Variants in TAPBPL observed in about 807,000 individuals in gnomAD.
The protein encoded by TAPBPL is TAP binding protein like, also known as tapasin-related protein.
A neutral mutation model predicts 44.8 loss-of-function variants in TAPBPL; 32 were observed. The observed-to-expected ratio is 0.71, with a 90% CI of 0.54 to 0.96. The LOEUF (loss-of-function observed/expected upper bound fraction) is 0.96, where lower values mean the gene tolerates loss of function less well. TAPBPL is among the 40% of genes least tolerant of loss of function. The pLI is 0.00. For missense variants in TAPBPL, 520 were observed against 586.6 expected (o/e 0.89, Z 1.17); for synonymous variants, 230 against 240.7 (o/e 0.96, Z 0.41).
downstream of TAPBPL, chr12:6,465,401 A>AATGTATATATATGTATATATATATAC (rs1949989244): frequency 1.8e-4 from 12 of 67,578 alleles, no homozygotes; most frequent in African/African-American, 5.0e-4. Flanking sequence ...TATATATATA[A>AATGTATATATATGTATATATATATAC]ATGTATATAT....
At position 6,453,538 on chromosome 12, in the gene TAPBPL, C is replaced by G. The variant is rs775843009; in HGVS notation, c.387C>G (p.Leu129=). 6.2e-7 allele frequency: 1 copy of G among 1,614,182 alleles called. No individual in the cohort carries two copies. Among genetic ancestry groups the G allele is most frequent in the Non-Finnish European group, 8.5e-7 (1 of 1,180,036 alleles). The part of the protein sequence containing the change: ...EVTCEISRYF[L]QMTETTVKTA... Reference sequence around the variant, plus strand: ...CCTGTGAGATCTCCCGCTACTTTCTCCAGATGACAGAGACCACTGTTAAGA... The same window carrying G: ...CCTGTGAGATCTCCCGCTACTTTCTGCAGATGACAGAGACCACTGTTAAGA... The change falls in exon 3 of 7, where the codon CTC becomes CTG. Residue 129 remains leucine, a synonymous_variant. Coordinates refer to ENST00000266556, the MANE Select transcript of TAPBPL (RefSeq NM_018009.5). The surrounding 1 kb of genome is among the most constrained non-coding windows in gnomAD (Gnocchi z 4.8).
chr12:6,457,425 A>G lies in TAPBPL; in HGVS notation c.585A>G (p.Thr195=), dbSNP rs1324149880. Residue 195 remains threonine (T), a synonymous_variant, in exon 4 of 7, where the codon ACA becomes ACG. Coordinates refer to ENST00000266556, the MANE Select transcript of TAPBPL (RefSeq NM_018009.5). ...TCACAGTGGAGTTCCAGGTGATGACACAGACCCAATCCCTGAGCTTCCTGC... is the reference window on the plus strand; with the variant it reads ...TCACAGTGGAGTTCCAGGTGATGACGCAGACCCAATCCCTGAGCTTCCTGC... ...VRTAVEFQVM[T]QTQSLSFLLG... The G allele has an allele frequency of 3.1e-6, 5 of 1,613,986 alleles. No individual in the cohort carries two copies. Among genetic ancestry groups the G allele is most frequent in the Non-Finnish European group, 4.2e-6 (5 of 1,179,984 alleles).
downstream of TAPBPL, chr12:6,463,998 G>A (rs1408139272): frequency 9.3e-6 from 12 of 1,291,768 alleles, no homozygotes; most frequent in Non-Finnish European, 1.1e-5. This position sits in a 1 kb window ranked among gnomAD's most constrained non-coding sequence, Gnocchi z 4.0. Context: ...GGTCCAGGAA[G>A]GAAAGCTCCA....
downstream of TAPBPL, chr12:6,463,316 C>CAG: frequency 8.4e-7 from 1 of 1,195,470 alleles, no homozygotes. This position sits in a 1 kb window ranked among gnomAD's most constrained non-coding sequence, Gnocchi z 4.0. Context: ...CAGGCTGGCA[C>CAG]GCCTCCCCCC....
In TAPBPL at chr12:6,458,653, A is replaced by G. The variant is rs761880008; in HGVS notation, c.913A>G (p.Lys305Glu). The G allele has an allele frequency of 3.1e-6, 5 of 1,612,936 alleles. No individual in the cohort carries two copies. The highest frequency in any genetic ancestry group is 4.5e-5 in the East Asian group (2 of 44,838). ...CCTCATTCTTTCTCCAGCTTCCCCT[A>G]AAGTACGACTGAGCTTGGCAAACGA... ...IIQLNIQASPKVRLSLANEAL... is the reference protein window; with the variant it reads ...IIQLNIQASPEVRLSLANEAL... The change falls in exon 5 of 7, where the codon AAA becomes GAA. Residue 305 changes from lysine (K) to glutamate (E), a missense_variant. Coordinates refer to ENST00000266556, the MANE Select transcript of TAPBPL (RefSeq NM_018009.5).
intron 3 of TAPBPL, among the ~76,000 whole-genome samples, chr12:6,455,519 T>C (rs1949681089): frequency 6.6e-6 from 1 of 152,136 alleles, no homozygotes; most frequent in African/African-American, 2.4e-5. Context: ...CTGAATATTA[T>C]CAGTGATAAA....
downstream of TAPBPL, chr12:6,463,997 A>G (rs1003004574): frequency 3.1e-6 from 4 of 1,291,594 alleles, no homozygotes; most frequent in African/African-American, 4.5e-5. This position sits in a 1 kb window ranked among gnomAD's most constrained non-coding sequence, Gnocchi z 4.0. Context: ...TGGTCCAGGA[A>G]GGAAAGCTCC....
rs775771044 is a variant in TAPBPL, at chr12:6,453,134, C to T, written c.132C>T (p.Asp44=). The change falls in exon 2 of 7, where the codon GAC becomes GAT. Residue 44 remains aspartate (D), a synonymous_variant. Coordinates refer to ENST00000266556, the MANE Select transcript of TAPBPL (RefSeq NM_018009.5). This position sits in a 1 kb window ranked among gnomAD's most constrained non-coding sequence, Gnocchi z 4.8. The stretch of plus-strand genomic sequence containing the variant: ...TCCTAGACTGCTTCCTGGCGAAGGA[C>T]GGTGCGCACCGTGGAGCTCTCGCCA... ...DVVLDCFLAK[D]GAHRGALASS... 1.6e-5 allele frequency: 25 copies of T among 1,593,716 alleles called. No individual in the cohort carries two copies. In the Admixed American group the frequency reaches 2.5e-4, roughly 16 times the overall value.
downstream of TAPBPL, chr12:6,470,657 C>T (rs148584261): frequency 1.6e-6 from 2 of 1,279,900 alleles, no homozygotes; most frequent in Non-Finnish European, 2.2e-6. Context: ...ACCCCGCGGT[C>T]TAGCTGCGCT....
At chr12:6,454,904 A>G (rs1053694165) in intron 3 of TAPBPL, among the ~76,000 whole-genome samples, 22 of 152,214 alleles carry the variant, frequency 1.4e-4, no homozygotes, top group Non-Finnish European at 3.2e-4. Flanking sequence ...AGCCAAGTCC[A>G]GAGAAAATTA....
Position 6,462,019 on chromosome 12 carries a change from A to C in TAPBPL, c.1292-15A>C, listed in dbSNP as rs1288912643. On this transcript the variant is annotated splice_polypyrimidine_tract_variant and intron_variant, in intron 6 of 6. Coordinates refer to ENST00000266556, the MANE Select transcript of TAPBPL (RefSeq NM_018009.5). ...GATGCCCACGCAACTTCCTGTCTTC[A>C]CTTCCTCTTACCAGCACCTACAGGA... 6.2e-7 allele frequency: 1 copy of C among 1,604,834 alleles called. No individual in the cohort carries two copies. The highest frequency in any genetic ancestry group is 8.5e-7 in the Non-Finnish European group (1 of 1,173,576).
chr12:6,458,499 C>A, intron 4 of TAPBPL, 146 bp from the exon 5 acceptor site: 1 of 964,180 alleles, frequency 1.0e-6, no homozygotes, highest in Non-Finnish European at 1.5e-6. Flanking sequence ...AGGTGGGCCC[C>A]TCACACACCC....
chr12:6,464,902 C>T, downstream of TAPBPL: 1 of 1,614,060 alleles, frequency 6.2e-7, no homozygotes, highest in Non-Finnish European at 8.5e-7. Flanking sequence ...ACAATAACTA[C>T]CACGATGATG....
Position 6,457,622 on chromosome 12 carries a change from G to T in TAPBPL, c.782G>T (p.Gly261Val), listed in dbSNP as rs374333373. 7.4e-6 allele frequency: 12 copies of T among 1,614,082 alleles called. No individual in the cohort carries two copies. The highest frequency in any genetic ancestry group is 1.0e-5 in the Non-Finnish European group (12 of 1,180,034). The part of the protein sequence containing the change: ...KGATLEPAQL[G>V]MARDASLTLP... ...GCTACCCTGGAGCCTGCACAACTGG[G>T]CATGGCCAGGGATGCCTCCCTCACC... Residue 261 changes from glycine (G) to valine (V), a missense_variant, in exon 4 of 7, where the codon GGC becomes GTC. Coordinates refer to ENST00000266556, the MANE Select transcript of TAPBPL (RefSeq NM_018009.5).
At chr12:6,465,470 T>TATATA (rs1950000165), downstream of TAPBPL, 2 of 107,898 alleles carry the variant, frequency 1.9e-5, no homozygotes, top group African/African-American at 1.1e-4. Flanking sequence ...ATATATAGTG[T>TATATA]GTGTGTGTGT....
At chr12:6,459,003 G>T (rs1949775631) in intron 5 of TAPBPL, 56 bp downstream of exon 5, 1 of 1,565,612 alleles carries the variant, frequency 6.4e-7, no homozygotes, top group African/African-American at 1.4e-5. Flanking sequence ...TGGCTCTCCT[G>T]CCCCAGCTCA....
At chr12:6,463,904 A>C, downstream of TAPBPL, 1 of 1,286,220 alleles carries the variant, frequency 7.8e-7, no homozygotes, top group Non-Finnish European at 1.0e-6. This position sits in a 1 kb window ranked among gnomAD's most constrained non-coding sequence, Gnocchi z 4.0. Context: ...AATAACTACA[A>C]AAAACAAGTT....
chr12:6,452,349 G>C, intron 1 of TAPBPL, 37 bp downstream of exon 1: 1 of 1,557,360 alleles, frequency 6.4e-7, no homozygotes, highest in Non-Finnish European at 8.7e-7. Context: ...GCTGGGAGAA[G>C]AGCTACTGAA....
At chr12:6,462,427 C>T (rs532404500), downstream of TAPBPL, 21 of 487,016 alleles carry the variant, frequency 4.3e-5, no homozygotes, top group African/African-American at 3.9e-5. Context: ...CATGGCAAAC[C>T]GAAGAACGGG....
Sources: allele counts gnomAD v4.1 joint callset (sites outside exome capture counted in the v4.1 genomes callset), GRCh38; gene constraint gnomAD v4.1.1; non-coding constraint Gnocchi (gnomAD v3.1); transcripts MANE v1.5; gene names NCBI Gene and HGNC (gene_info 2026-07-23, HGNC 2026-07-21).